Variants in SMU1 observed in about 807,000 individuals in gnomAD.
The protein encoded by SMU1 is SMU1 DNA replication regulator and spliceosomal factor, also known as WD40 repeat-containing protein SMU1.
A neutral mutation model predicts 62.0 loss-of-function variants in SMU1; 2 were observed. The ratio of observed to expected loss-of-function variants is 0.03; its 90% confidence interval spans 0.01 to 0.10. SMU1 has a LOEUF of 0.10. SMU1 is among the 10% of genes least tolerant of loss of function. SMU1 has a pLI of 1.00. For synonymous variants in SMU1, 188 were observed against 212.4 expected, an observed-to-expected ratio of 0.89 and a Z score of 1.00; for missense variants, 227 against 622.1, an observed-to-expected ratio of 0.36 and a Z score of 6.76.
rs1240855103 is a variant in SMU1, at chr9:33,046,310, A to G, written c.*983T>C. 1 of 152,194 alleles carries G rather than the reference A, an allele frequency of 6.6e-6. No homozygotes were observed. Among genetic ancestry groups the G allele is most frequent in the Admixed American group, 6.5e-5 (1 of 15,284 alleles). 9.4% of individuals were successfully genotyped at this position (152,194 alleles called of 1,614,324 possible). A position where few individuals can be genotyped will look rare whatever the true frequency, so the allele number is the denominator to read the frequency against. ...CTAGTTCTATCCAGAAGATGGAGACAATATTCCCTGGAGTTGACTGAACAT... is the reference window on the plus strand; with the variant it reads ...CTAGTTCTATCCAGAAGATGGAGACGATATTCCCTGGAGTTGACTGAACAT... On this transcript the variant is annotated 3_prime_UTR_variant, in exon 12 of 12. Transcript: ENST00000397149.
chr9:33,057,533 G>A lies in SMU1; in HGVS notation c.867+65C>T. 3 of 1,575,526 alleles carry A rather than the reference G, an allele frequency of 1.9e-6. No individual in the cohort carries two copies. The South Asian group carries it at 3.3e-5, about 17-fold the overall frequency. On this transcript the variant is annotated intron_variant, in intron 7 of 11. Coordinates refer to ENST00000397149, the MANE Select transcript of SMU1 (RefSeq NM_018225.3). ...TTATTATGCTGAATATCATATGTAGGACACTACCCCATAGCAGAACATTCA... is the reference window on the plus strand; with the variant it reads ...TTATTATGCTGAATATCATATGTAGAACACTACCCCATAGCAGAACATTCA...
chr9:33,064,628 T>C (rs6476397), intron 4 of SMU1, among the ~76,000 whole-genome samples: 3,382 of 152,322 alleles, frequency 0.022, 97 homozygotes, highest in African/African-American at 0.076. Flanking sequence ...GATGTTCTTG[T>C]GTCCACTACC....
rs375705097 is a variant in SMU1, at chr9:33,071,641, CAA to C, written c.390+97_390+98del. On this transcript the variant is annotated intron_variant, in intron 3 of 11. Transcript: ENST00000397149. ...ATTCTCAAAAATTAAATCAAAATCA[CAA>C]AGAGTATACAATAAAATGGTAAAAA... is the stretch of plus-strand genomic sequence containing the variant. 5.4e-3 allele frequency: 6,399 copies of C among 1,183,394 alleles called. 49 individuals are homozygous for C. The highest frequency in any genetic ancestry group is 0.028 in the South Asian group (1,805 of 63,434). 73.3% of individuals were successfully genotyped at this position (1,183,394 alleles called of 1,614,324 possible).
Position 33,073,565 on chromosome 9 carries a change from C to T in SMU1, c.237+31G>A, listed in dbSNP as rs764837299. On this transcript the variant is annotated intron_variant, in intron 2 of 11. Transcript: ENST00000397149. Reference sequence around the variant, plus strand: ...GGGAGCTGGCCCACAACGAACCAACCCATGGGGATCAGCATCACCACCACT... The same window carrying T: ...GGGAGCTGGCCCACAACGAACCAACTCATGGGGATCAGCATCACCACCACT... The T allele has an allele frequency of 8.3e-5, 130 of 1,566,252 alleles. 1 individual carries two copies. The Middle Eastern group carries it at 1.6e-3, about 19-fold the overall frequency.
intron 3 of SMU1, among the ~76,000 whole-genome samples, chr9:33,071,520 AGGT>A (rs1839486299): frequency 6.6e-6 from 1 of 152,156 alleles, no homozygotes. Flanking sequence ...CTCTAAACTG[AGGT>A]GTATAGAAGA....
At chr9:33,060,402 G>T in intron 6 of SMU1, 63 bp downstream of exon 6, 1 of 1,382,538 alleles carries the variant, frequency 7.2e-7, no homozygotes, top group South Asian at 1.3e-5. Flanking sequence ...AGAGGCCATA[G>T]GTAAGTAATT....
At chr9:33,072,335 C>CAATA (rs775344965) in intron 2 of SMU1, among the ~76,000 whole-genome samples, 4 of 151,920 alleles carry the variant, frequency 2.6e-5, no homozygotes, top group East Asian at 1.9e-4. Flanking sequence ...AGATCTGTCT[C>CAATA]AATAAATAAA....
chr9:33,064,805 C>T (rs374443696), intron 4 of SMU1, among the ~76,000 whole-genome samples: 28 of 151,622 alleles, frequency 1.8e-4, no homozygotes, highest in African/African-American at 6.3e-4. Flanking sequence ...TGCAGTGGCG[C>T]GATCTTGGCT....
intron 4 of SMU1, among the ~76,000 whole-genome samples, chr9:33,064,954 G>T (rs1199623345): frequency 6.6e-6 from 1 of 152,104 alleles, no homozygotes; most frequent in Non-Finnish European, 1.5e-5. Context: ...CGTTGGCCAG[G>T]CTGGTCTCCA....
chr9:33,044,454 GC>G lies in SMU1; in HGVS notation c.*2838del. 1 of 152,480 alleles carries G rather than the reference GC, an allele frequency of 6.6e-6. No individual in the cohort carries two copies. Among genetic ancestry groups the G allele is most frequent in the South Asian group, 2.1e-4 (1 of 4,834 alleles). 9.4% of individuals were successfully genotyped at this position (152,480 alleles called of 1,614,324 possible). ...ACCTCCGACCACCCGGAGCAGCGGC[GC>G]CCCAGATCCGGCCGTCCGCCCTGCG... is the stretch of plus-strand genomic sequence containing the variant. On this transcript the variant is annotated 3_prime_UTR_variant, in exon 12 of 12. Transcript: ENST00000397149.
chr9:33,056,964 C>T lies in SMU1; in HGVS notation c.868G>A (p.Val290Met). The T allele has an allele frequency of 1.3e-6, 2 of 1,592,252 alleles. No homozygotes were observed. The highest frequency in any genetic ancestry group is 1.7e-6 in the Non-Finnish European group (2 of 1,173,732). ...ATGAQDGKIK[V>M]WKIQSGQCLR... ...CATTGTCCACTCTGAATCTTCCACA[C>T]CTTTATTTGAAAAAAAAAAAAGAAT... Residue 290 changes from valine to methionine, a missense_variant and splice_region_variant, in exon 8 of 12, where the codon GTG (valine) becomes ATG (methionine). Coordinates refer to ENST00000397149, the MANE Select transcript of SMU1 (RefSeq NM_018225.3).
intron 10 of SMU1, among the ~76,000 whole-genome samples, chr9:33,050,763 T>G (rs1587706151): frequency 6.7e-6 from 1 of 150,232 alleles, no homozygotes; most frequent in Admixed American, 6.6e-5. Context: ...GGGCCGGAGG[T>G]TGCAGTGAGC....
At position 33,046,584 on chromosome 9, in the gene SMU1, A is replaced by C. The variant is rs1325368865; in HGVS notation, c.*709T>G. 1 of 39,120 alleles carries C rather than the reference A, an allele frequency of 2.6e-5. No homozygotes were observed. Among genetic ancestry groups the C allele is most frequent in the Non-Finnish European group, 6.0e-5 (1 of 16,606 alleles). 2.4% of individuals were successfully genotyped at this position (39,120 alleles called of 1,614,324 possible). ...AGGTATAAAGTTTATTAACATCTTT[A>C]AAAAAAAAAAAAAAAAAAAAGATGG... On this transcript the variant is annotated 3_prime_UTR_variant, in exon 12 of 12. Coordinates refer to ENST00000397149, the MANE Select transcript of SMU1 (RefSeq NM_018225.3).
chr9:33,074,451 A>ACACACAC (rs201578552), intron 1 of SMU1, among the ~76,000 whole-genome samples: 3 of 148,840 alleles, frequency 2.0e-5, no homozygotes, highest in African/African-American at 7.5e-5. Flanking sequence ...CACACACACA[A>ACACACAC]AAAAAAAAAT....
chr9:33,058,046 G>A (rs1169175291), intron 6 of SMU1, among the ~76,000 whole-genome samples: 1 of 151,900 alleles, frequency 6.6e-6, no homozygotes, highest in Non-Finnish European at 1.5e-5. Flanking sequence ...TGTATGATGT[G>A]GGAAACTAAA....
intron 7 of SMU1, among the ~76,000 whole-genome samples, 166 bp downstream of exon 7, chr9:33,057,432 C>G (rs937645880): frequency 3.3e-5 from 5 of 152,154 alleles, no homozygotes; most frequent in African/African-American, 1.2e-4. Flanking sequence ...TTGGATCACC[C>G]AGACAGAGTT....
At chr9:33,060,606 A>G in intron 5 of SMU1, 22 bp from the exon 6 acceptor site, 3 of 1,603,200 alleles carry the variant, frequency 1.9e-6, no homozygotes, top group Non-Finnish European at 2.5e-6. Context: ...GAAACAATGA[A>G]ACAGATGCAT....
chr9:33,062,540 CAT>C (rs942432492), intron 4 of SMU1, among the ~76,000 whole-genome samples: 10 of 152,164 alleles, frequency 6.6e-5, no homozygotes, highest in East Asian at 1.9e-4. Flanking sequence ...TCCCCCCCCA[CAT>C]ATGTGTTTCA....
In SMU1 at chr9:33,063,126, C is replaced by T. The variant is rs564367450; in HGVS notation, c.502-949G>A. On this transcript the variant is annotated intron_variant, in intron 4 of 11. Transcript: ENST00000397149. ...CCTGTAATTCCAGCACTTTGGGAGG[C>T]CAAGGTGGGCAGATCACCTGAGGTC... Among the ~76,000 whole-genome samples, 8 of 152,308 alleles carry T rather than the reference C, an allele frequency of 5.3e-5. No homozygotes were observed. The South Asian group carries it at 1.5e-3, about 28-fold the overall frequency.
Sources: gnomAD v4.1 joint callset for allele counts (sites outside exome capture counted in the v4.1 genomes callset) on GRCh38, gnomAD v4.1.1 for gene constraint, MANE v1.5 for transcripts, NCBI Gene and HGNC (gene_info 2026-07-23, HGNC 2026-07-21) for gene names.